The following TRPS1 variants were observed in gnomAD, a reference collection of about 807,000 sequenced individuals.
TRPS1 encodes zinc finger transcription factor Trps1.
A neutral mutation model predicts 101.2 loss-of-function variants in TRPS1; 6 were observed. The ratio of observed to expected loss-of-function variants is 0.06; its 90% CI spans 0.03 to 0.12. The LOEUF (loss-of-function observed/expected upper bound fraction) is 0.12, where lower values mean the gene tolerates loss of function less well. Among genes scored for constraint, TRPS1 ranks in the 10% least tolerant of loss-of-function variants. The pLI, the probability that TRPS1 is intolerant of heterozygous loss-of-function variation, is 1.00. For synonymous variants in TRPS1, 578 were observed against 589.8 expected (o/e 0.98, Z 0.29); for missense variants, 1,363 against 1,567.0 (o/e 0.87, Z 2.20).
chr8:115,539,613 A>T (rs1419795862), intron 5 of TRPS1, among the ~76,000 whole-genome samples: 1 of 151,994 alleles, frequency 6.6e-6, no homozygotes, highest in African/African-American at 2.4e-5. Flanking sequence ...TGAGAAGGGA[A>T]GACTGCTTGA....
At chr8:115,494,734 G>T (rs2130117247) in intron 5 of TRPS1, among the ~76,000 whole-genome samples, 1 of 152,196 alleles carries the variant, frequency 6.6e-6, no homozygotes, top group South Asian at 2.1e-4. Flanking sequence ...ACCTCTTGAT[G>T]AATTATAATG....
intron 5 of TRPS1, among the ~76,000 whole-genome samples, chr8:115,527,925 G>A (rs1816039345): frequency 6.6e-6 from 1 of 152,066 alleles, no homozygotes; most frequent in Non-Finnish European, 1.5e-5. Flanking sequence ...CACATTACCA[G>A]GAAATGAGGA....
intron 5 of TRPS1, among the ~76,000 whole-genome samples, chr8:115,513,463 G>A (rs962753402): frequency 6.6e-6 from 1 of 151,650 alleles, no homozygotes; most frequent in Admixed American, 6.6e-5. Flanking sequence ...GACAAGAAGT[G>A]CCTTTTTGTG....
intron 5 of TRPS1, among the ~76,000 whole-genome samples, chr8:115,472,689 T>C (rs561738276): frequency 2.0e-5 from 3 of 152,314 alleles, no homozygotes; most frequent in African/African-American, 4.8e-5. Flanking sequence ...TTCCAAACCA[T>C]GTCTTTGTGA....
intron 5 of TRPS1, among the ~76,000 whole-genome samples, chr8:115,519,219 A>G (rs1815797376): frequency 6.6e-6 from 1 of 151,814 alleles, no homozygotes; most frequent in Admixed American, 6.6e-5. Flanking sequence ...AAAAAATGAC[A>G]TTTTAGTTAT....
chr8:115,415,148 A>C, intron 6 of TRPS1, 64 bp from the exon 7 acceptor site: 1 of 1,490,694 alleles, frequency 6.7e-7, no homozygotes, highest in Non-Finnish European at 9.1e-7. Context: ...ATGCATTAAA[A>C]ATTCCTCACA....
At chr8:115,492,365 T>G in intron 5 of TRPS1, 1 of 411,408 alleles carries the variant, frequency 2.4e-6, no homozygotes, top group South Asian at 1.7e-5. Context: ...GGTTCCAGTG[T>G]TAGAATATCT....
chr8:115,601,941 T>C (rs1452025096), intron 4 of TRPS1, among the ~76,000 whole-genome samples: 1 of 152,232 alleles, frequency 6.6e-6, no homozygotes, highest in Non-Finnish European at 1.5e-5. Flanking sequence ...TAGAGCTTAC[T>C]TTCATCACTG....
intron 5 of TRPS1, among the ~76,000 whole-genome samples, chr8:115,474,215 C>T (rs800870): frequency 0.44 from 66,256 of 151,916 alleles, 14,950 homozygotes; most frequent in African/African-American, 0.52. Context: ...TTTTAATAAT[C>T]TGATAATGTG....
intron 5 of TRPS1, among the ~76,000 whole-genome samples, chr8:115,470,513 G>A (rs1266578540): frequency 1.3e-5 from 2 of 152,094 alleles, no homozygotes; most frequent in African/African-American, 4.8e-5. Context: ...GGAATAACAA[G>A]TACTTGTGTA....
intron 1 of TRPS1, among the ~76,000 whole-genome samples, chr8:115,649,841 A>G (rs1306126922): frequency 6.6e-6 from 1 of 152,194 alleles, no homozygotes; most frequent in Admixed American, 6.5e-5. Context: ...AAAGGGCACC[A>G]CGCAGCTTTA....
chr8:115,535,336 C>CATATATAGA (rs1816281109), intron 5 of TRPS1, among the ~76,000 whole-genome samples: 12 of 48,020 alleles, frequency 2.5e-4, no homozygotes, highest in African/African-American at 1.2e-3. Context: ...GCATATATAG[C>CATATATAGA]GCATATATAT....
chr8:115,450,665 T>G (rs531383949), intron 5 of TRPS1, among the ~76,000 whole-genome samples: 1 of 152,276 alleles, frequency 6.6e-6, no homozygotes, highest in Admixed American at 6.5e-5. Flanking sequence ...ATTTAGGAAC[T>G]GTAACTCATG....
intron 5 of TRPS1, among the ~76,000 whole-genome samples, chr8:115,425,631 C>T (rs1039402042): frequency 6.6e-6 from 1 of 152,236 alleles, no homozygotes; most frequent in African/African-American, 2.4e-5. Context: ...TCCATCTCTT[C>T]TGAGATGTAA....
At chr8:115,658,658 T>A (rs1811729488) in intron 1 of TRPS1, among the ~76,000 whole-genome samples, 1 of 152,140 alleles carries the variant, frequency 6.6e-6, no homozygotes, top group African/African-American at 2.4e-5. Context: ...GAAGAATATG[T>A]ATGTCCATAA....
intron 5 of TRPS1, among the ~76,000 whole-genome samples, chr8:115,455,775 C>CTTTTTTTTTTTTTTTTTTTTTCTTT (rs386413741): frequency 1.7e-5 from 2 of 119,992 alleles, no homozygotes; most frequent in Non-Finnish European, 1.7e-5. Flanking sequence ...TTCTTTCTTT[C>CTTTTTTTTTTTTTTTTTTTTTCTTT]TTTTTTTTTT....
intron 5 of TRPS1, among the ~76,000 whole-genome samples, chr8:115,584,269 C>T (rs1159571057): frequency 6.6e-6 from 1 of 151,830 alleles, no homozygotes; most frequent in Non-Finnish European, 1.5e-5. Context: ...GTATTAGAAA[C>T]TGTATATATA....
At chr8:115,620,104 G>C in intron 2 of TRPS1, 44 bp from the exon 3 acceptor site, 1 of 1,581,258 alleles carries the variant, frequency 6.3e-7, no homozygotes, top group Non-Finnish European at 8.7e-7. Context: ...TTATCTGAAA[G>C]TTACAGAGAT....
intron 5 of TRPS1, among the ~76,000 whole-genome samples, chr8:115,474,404 A>T (rs1213165520): frequency 4.0e-5 from 6 of 151,236 alleles, no homozygotes; most frequent in Admixed American, 3.3e-4. Context: ...TGGATGGATA[A>T]AATAAAAGGG....
Sources: allele counts gnomAD v4.1 joint callset (sites outside exome capture counted in the v4.1 genomes callset), GRCh38; gene constraint gnomAD v4.1.1; transcripts MANE v1.5; gene names NCBI Gene and HGNC (gene_info 2026-07-23, HGNC 2026-07-21).